PREX2: variants seen among roughly 807,000 people sequenced by gnomAD.
PREX2 encodes phosphatidylinositol 3,4,5-trisphosphate-dependent Rac exchanger 2 protein.
PREX2 carries 107 observed loss-of-function variants against 203.2 expected under a neutral mutation model. The observed-to-expected ratio is 0.53, with a 90% CI of 0.45 to 0.62. The LOEUF (loss-of-function observed/expected upper bound fraction) is 0.62. PREX2 is among the 20% of genes least tolerant of loss of function. PREX2 has a pLI of 0.00. For synonymous variants in PREX2, 672 were observed against 663.6 expected, an observed-to-expected ratio of 1.01 and a Z score of -0.19; for missense variants, 1,777 against 1,955.9, an observed-to-expected ratio of 0.91 and a Z score of 1.72.
chr8:68,146,727 T>G (rs1003464815), intron 34 of PREX2, among the ~76,000 whole-genome samples: 2 of 152,194 alleles, frequency 1.3e-5, no homozygotes, highest in Non-Finnish European at 2.9e-5. Context: ...ATTTATACTT[T>G]AGTCTCAATT....
intron 35 of PREX2, among the ~76,000 whole-genome samples, chr8:68,159,775 G>A (rs1188202103): frequency 6.6e-6 from 1 of 151,990 alleles, no homozygotes; most frequent in Non-Finnish European, 1.5e-5. Flanking sequence ...ATCTAATTAT[G>A]TATCTTAAAA....
At chr8:68,029,503 A>G (rs1807819429) in intron 5 of PREX2, among the ~76,000 whole-genome samples, 3 of 152,326 alleles carry the variant, frequency 2.0e-5, no homozygotes, top group Non-Finnish European at 4.4e-5. Flanking sequence ...AGGTGTGAAC[A>G]TAATGAATTT....
In PREX2 at chr8:68,087,797, G is replaced by A; in HGVS notation, c.2101G>A (p.Ala701Thr). 6.2e-7 allele frequency: 1 copy of A among 1,612,622 alleles called. No individual in the cohort carries two copies. Among genetic ancestry groups the A allele is most frequent in the South Asian group, 1.1e-5 (1 of 91,058 alleles). Residue 701 changes from alanine (A) to threonine (T), a missense_variant, in exon 19 of 40, where the codon GCT becomes ACT. Physicochemically the swap from Ala to Thr is moderately conservative, Grantham distance 58. Transcript: ENST00000288368. Reference sequence around the variant, plus strand: ...GGGATTTGGCCCTTCTGTTGTGCATGCTGTAGGAAGAGGTAGGAAATTCGT... The same window carrying A: ...GGGATTTGGCCCTTCTGTTGTGCATACTGTAGGAAGAGGTAGGAAATTCGT... ...IRGFGPSVVH[A>T]VGRGTVAAAA...
intron 38 of PREX2, among the ~76,000 whole-genome samples, chr8:68,219,395 A>G (rs1206973099): frequency 6.6e-6 from 1 of 152,176 alleles, no homozygotes; most frequent in Non-Finnish European, 1.5e-5. Flanking sequence ...TTATATTTAT[A>G]TAGTATTACT....
At chr8:67,964,191 C>T (rs986431166) in intron 1 of PREX2, among the ~76,000 whole-genome samples, 1 of 152,198 alleles carries the variant, frequency 6.6e-6, no homozygotes, top group Non-Finnish European at 1.5e-5. Flanking sequence ...AAGTGGAGGG[C>T]AAGCACTCCC....
chr8:68,095,141 A>C (rs1304302751), intron 21 of PREX2: 2 of 152,166 alleles, frequency 1.3e-5, no homozygotes, highest in African/African-American at 4.8e-5. Flanking sequence ...GGGTGTGTTC[A>C]CTCACTCAGA....
intron 6 of PREX2, 49 bp from the exon 7 acceptor site, chr8:68,038,110 G>C (rs1808088156): frequency 1.9e-6 from 3 of 1,568,710 alleles, no homozygotes; most frequent in South Asian, 1.1e-5. Flanking sequence ...ATTATTTACA[G>C]AAGTGTCAAC....
intron 6 of PREX2, 106 bp from the exon 7 acceptor site, chr8:68,038,053 G>A: frequency 8.0e-7 from 1 of 1,246,774 alleles, no homozygotes; most frequent in Admixed American, 2.0e-5. Flanking sequence ...CCTGTGCATA[G>A]CTTGCTTCTT....
chr8:68,133,994 A>G (rs1459716194), intron 31 of PREX2, 65 bp from the exon 32 acceptor site: 16 of 1,252,216 alleles, frequency 1.3e-5, no homozygotes, highest in Non-Finnish European at 1.9e-5. Context: ...GTAGATGCTG[A>G]ACGCATTGGT....
Position 67,999,478 on chromosome 8 carries a change from C to CAAAAAAAAA in PREX2, c.142-18359_142-18351dup, listed in dbSNP as rs58916146. Among the ~76,000 whole-genome samples, 29 of 92,072 alleles carry CAAAAAAAAA rather than the reference C, an allele frequency of 3.1e-4. 3 individuals carry two copies. Among genetic ancestry groups the CAAAAAAAAA allele is most frequent in the South Asian group, 7.8e-4 (2 of 2,568 alleles). The allele number at this position is 92,072 out of a possible 152,430, so 60.4% of individuals were successfully genotyped here. A position where few individuals can be genotyped will look rare whatever the true frequency, so the allele number is the denominator to read the frequency against. On this transcript the variant is annotated intron_variant, in intron 1 of 39. Coordinates refer to ENST00000288368, the MANE Select transcript of PREX2 (RefSeq NM_024870.4). ...AATCAGTAATAAATAGCCAACAAAC[C>CAAAAAAAAA]AAAAAAAAAAAAAAAAAGCCCAGAA...
At position 67,993,493 on chromosome 8, in the gene PREX2, G is replaced by A. The variant is rs560248006; in HGVS notation, c.142-24353G>A. On this transcript the variant is annotated intron_variant, in intron 1 of 39. Transcript: ENST00000288368. ...GTGGTGTCAGCTCACCACAACCTCCGCCTCCCAGGCTCAAGCAATTCTCCT... is the reference window on the plus strand; with the variant it reads ...GTGGTGTCAGCTCACCACAACCTCCACCTCCCAGGCTCAAGCAATTCTCCT... Among the ~76,000 whole-genome samples, 8 of 146,900 alleles carry A rather than the reference G, an allele frequency of 5.4e-5. No homozygotes were observed. In the East Asian group the frequency reaches 1.0e-3, roughly 19 times the overall value.
At position 68,038,211 on chromosome 8, in the gene PREX2, T is replaced by G; in HGVS notation, c.758T>G (p.Leu253Arg). ...CTEMLMCGVLLKISSGNIQER... is the reference protein window; with the variant it reads ...CTEMLMCGVLRKISSGNIQER... ...GAAATGCTAATGTGTGGAGTCTTAC[T>G]GAAAATTTCTTCTGGAAATATTCAA... The change falls in exon 7 of 40, where the codon CTG becomes CGG. Residue 253 changes from leucine (L) to arginine (R), a missense_variant. Physicochemically the swap from Leu to Arg is moderately radical, Grantham distance 102. Coordinates refer to ENST00000288368, the MANE Select transcript of PREX2 (RefSeq NM_024870.4). 1 of 1,613,926 alleles carries G rather than the reference T, an allele frequency of 6.2e-7. No homozygotes were observed. The highest frequency in any genetic ancestry group is 1.1e-5 in the South Asian group (1 of 91,076).
chr8:68,229,517 G>A (rs1219304613), intron 39 of PREX2, among the ~76,000 whole-genome samples: 1 of 152,120 alleles, frequency 6.6e-6, no homozygotes, highest in Non-Finnish European at 1.5e-5. Flanking sequence ...ATAACCCTGA[G>A]TCACTTCCAA....
intron 17 of PREX2, 40 bp downstream of exon 17, chr8:68,080,878 G>A: frequency 1.8e-6 from 2 of 1,119,710 alleles, no homozygotes; most frequent in African/African-American, 1.6e-5. Flanking sequence ...TTGTTATCAT[G>A]ACATAAAAAT....
chr8:68,138,335 G>T, intron 32 of PREX2, 80 bp from the exon 33 acceptor site: 2 of 684,116 alleles, frequency 2.9e-6, no homozygotes, highest in Admixed American at 6.0e-5. Context: ...AGTTGTTTTG[G>T]TCTGAATTTA....
At chr8:68,002,626 T>C (rs1446204269) in intron 1 of PREX2, among the ~76,000 whole-genome samples, 1 of 151,766 alleles carries the variant, frequency 6.6e-6, no homozygotes, top group Non-Finnish European at 1.5e-5. Flanking sequence ...CTTAGGTTGA[T>C]GCTTACATCA....
At position 68,077,486 on chromosome 8, in the gene PREX2, C is replaced by T. The variant is rs758120731; in HGVS notation, c.1642+17C>T. ...TGCACCATGGTAGGGATTTTTTACC[C>T]TGGGAGCTTACAGATGTATTTCATC... On this transcript the variant is annotated intron_variant, in intron 15 of 39. Coordinates refer to ENST00000288368, the MANE Select transcript of PREX2 (RefSeq NM_024870.4). The T allele has an allele frequency of 2.6e-6, 4 of 1,567,078 alleles. No individual in the cohort carries two copies. Among genetic ancestry groups the T allele is most frequent in the South Asian group, 1.1e-5 (1 of 90,080 alleles).
At chr8:68,106,760 T>C (rs542860333) in intron 23 of PREX2, among the ~76,000 whole-genome samples, 1 of 152,304 alleles carries the variant, frequency 6.6e-6, no homozygotes, top group South Asian at 2.1e-4. Flanking sequence ...TTCTTATTCA[T>C]GCCAAAATTA....
At chr8:67,973,121 G>A (rs1490843430) in intron 1 of PREX2, among the ~76,000 whole-genome samples, 2 of 152,138 alleles carry the variant, frequency 1.3e-5, no homozygotes, top group East Asian at 3.9e-4. Flanking sequence ...CTTTCTCCAG[G>A]CCTCCCCTGC....
Sources: gnomAD v4.1 joint callset for allele counts (sites outside exome capture counted in the v4.1 genomes callset) on GRCh38, gnomAD v4.1.1 for gene constraint, MANE v1.5 for transcripts, NCBI Gene and HGNC (gene_info 2026-07-23, HGNC 2026-07-21) for gene names.